The following GADL1 variants were observed in gnomAD, a reference collection of about 807,000 sequenced individuals.
GADL1 encodes the protein acidic amino acid decarboxylase GADL1.
A neutral mutation model predicts 69.5 loss-of-function variants in GADL1; 71 were observed. The observed-to-expected ratio is 1.02, with a 90% CI of 0.84 to 1.25. The LOEUF is 1.25. Ranked by LOEUF, GADL1 falls within the 50% of genes most tolerant of loss-of-function variation. The pLI, the probability that GADL1 is intolerant of heterozygous loss-of-function variation, is 0.00. For synonymous variants in GADL1, 254 were observed against 214.4 expected (o/e 1.18, Z -1.62); for missense variants, 737 against 631.8 (o/e 1.17, Z -1.79).
chr3:30,850,746 G>T (rs540406117), intron 5 of GADL1, 89 bp downstream of exon 5: 10 of 705,884 alleles, frequency 1.4e-5, no homozygotes, highest in Admixed American at 2.5e-5. Context: ...ACTTTTTGTC[G>T]TGTATAAATC....
chr3:30,785,382 CTTT>C (rs71093938), intron 13 of GADL1, among the ~76,000 whole-genome samples: 1 of 124,442 alleles, frequency 8.0e-6, no homozygotes, highest in Non-Finnish European at 1.5e-5. Flanking sequence ...ATTTCTTTTT[CTTT>C]TTTTTTTTTT....
At chr3:30,771,418 T>C (rs1019469023) in intron 14 of GADL1, among the ~76,000 whole-genome samples, 1 of 152,158 alleles carries the variant, frequency 6.6e-6, no homozygotes, top group Non-Finnish European at 1.5e-5. Flanking sequence ...GCATACGGTA[T>C]CTACAAAATT....
At chr3:30,812,840 C>T (rs1440199813) in intron 11 of GADL1, among the ~76,000 whole-genome samples, 1 of 151,686 alleles carries the variant, frequency 6.6e-6, no homozygotes, top group East Asian at 1.9e-4. Flanking sequence ...TTTAGGTAGC[C>T]TACAATATGG....
At chr3:30,767,473 CAT>C (rs1696309072) in intron 14 of GADL1, among the ~76,000 whole-genome samples, 1 of 152,040 alleles carries the variant, frequency 6.6e-6, no homozygotes, top group Non-Finnish European at 1.5e-5. Context: ...AAAATTGTAA[CAT>C]AAGACCCCAT....
chr3:30,763,812 CAT>C (rs570158391), intron 14 of GADL1, among the ~76,000 whole-genome samples: 316 of 152,174 alleles, frequency 2.1e-3, no homozygotes, highest in Non-Finnish European at 3.7e-3. Context: ...ATATAGATAA[CAT>C]AATCCTTAGT....
Position 30,894,563 on chromosome 3 carries a change from G to A in GADL1, c.37+15C>T, listed in dbSNP as rs370675089. ...GAGGTTAAGGACAAAAACCGCAGCC[G>A]CGCTGAGTCGTTACCGTCCACAGGA... On this transcript the variant is annotated intron_variant, in intron 1 of 14. Transcript: ENST00000282538. The A allele has an allele frequency of 2.2e-4, 341 of 1,547,120 alleles. 2 individuals carry two copies. The highest frequency in any genetic ancestry group is 2.8e-4 in the Non-Finnish European group (324 of 1,144,302).
At chr3:30,802,241 A>G (rs1164511041) in intron 11 of GADL1, among the ~76,000 whole-genome samples, 3 of 152,074 alleles carry the variant, frequency 2.0e-5, no homozygotes, top group East Asian at 3.9e-4. Flanking sequence ...CACTACCTAT[A>G]TTCTCTCCTT....
chr3:30,786,255 T>C (rs1478665475), intron 13 of GADL1, 100 bp downstream of exon 13: 1 of 760,038 alleles, frequency 1.3e-6, no homozygotes, highest in Admixed American at 2.1e-5. Flanking sequence ...TTTTTAACTC[T>C]GCAACACAAA....
intron 1 of GADL1, among the ~76,000 whole-genome samples, chr3:30,882,433 A>G (rs2125545166): frequency 6.6e-6 from 1 of 152,022 alleles, no homozygotes; most frequent in African/African-American, 2.4e-5. Flanking sequence ...GAGTTATAGT[A>G]TTGGTCTTTT....
intron 14 of GADL1, among the ~76,000 whole-genome samples, chr3:30,751,875 A>G (rs1021780451): frequency 6.6e-6 from 1 of 152,230 alleles, no homozygotes; most frequent in Non-Finnish European, 1.5e-5. Flanking sequence ...GGCTAAATCT[A>G]GCTTCCCTTT....
At chr3:30,735,735 C>A (rs1304651386) in intron 14 of GADL1, among the ~76,000 whole-genome samples, 1 of 152,098 alleles carries the variant, frequency 6.6e-6, no homozygotes, top group Admixed American at 6.5e-5. Flanking sequence ...ACAATAAATT[C>A]TGTTCGAAGC....
chr3:30,782,927 TAG>T (rs1559498364), intron 13 of GADL1, among the ~76,000 whole-genome samples: 2 of 152,202 alleles, frequency 1.3e-5, no homozygotes, highest in East Asian at 1.9e-4. Flanking sequence ...GGTAGTTATA[TAG>T]TTTTATTAGA....
chr3:30,835,227 G>A (rs1182626754), intron 9 of GADL1, among the ~76,000 whole-genome samples: 1 of 151,984 alleles, frequency 6.6e-6, no homozygotes, highest in Non-Finnish European at 1.5e-5. Context: ...CATTACTTAA[G>A]GAAGGTGACA....
At chr3:30,888,118 T>C (rs921693369) in intron 1 of GADL1, among the ~76,000 whole-genome samples, 1 of 151,958 alleles carries the variant, frequency 6.6e-6, no homozygotes, top group African/African-American at 2.4e-5. Flanking sequence ...TTATTTTTTG[T>C]TTTTTATTTC....
At chr3:30,764,900 G>A (rs1269163390) in intron 14 of GADL1, among the ~76,000 whole-genome samples, 1 of 150,538 alleles carries the variant, frequency 6.6e-6, no homozygotes, top group Non-Finnish European at 1.5e-5. Context: ...CCCTAAAACA[G>A]TGAGGCACTA....
chr3:30,822,865 TTAGGG>T (rs1423669952), intron 11 of GADL1, among the ~76,000 whole-genome samples: 2 of 152,000 alleles, frequency 1.3e-5, no homozygotes, highest in South Asian at 2.1e-4. Flanking sequence ...AACCTTTGAC[TTAGGG>T]TAGGGAGCAT....
chr3:30,834,902 G>T (rs896458920), intron 9 of GADL1, among the ~76,000 whole-genome samples: 2 of 152,048 alleles, frequency 1.3e-5, no homozygotes, highest in Admixed American at 6.6e-5. Flanking sequence ...TAGTCAACAG[G>T]TCTGGAGCAA....
intron 14 of GADL1, among the ~76,000 whole-genome samples, chr3:30,760,876 G>A (rs201787344): frequency 6.6e-6 from 1 of 152,024 alleles, no homozygotes; most frequent in African/African-American, 2.4e-5. Flanking sequence ...GCAGTCATTT[G>A]GTAGAAAGGA....
At chr3:30,800,832 C>G in intron 12 of GADL1, 57 bp downstream of exon 12, 1 of 1,181,234 alleles carries the variant, frequency 8.5e-7, no homozygotes, top group Non-Finnish European at 1.2e-6. Context: ...CACACACACA[C>G]ACACACACAC....
Sources: allele counts gnomAD v4.1 joint callset (sites outside exome capture counted in the v4.1 genomes callset), GRCh38; gene constraint gnomAD v4.1.1; transcripts MANE v1.5; gene names NCBI Gene and HGNC (gene_info 2026-07-23, HGNC 2026-07-21).